Variants in CHIC1 observed in about 807,000 individuals in gnomAD.
CHIC1 encodes the protein cysteine-rich hydrophobic domain-containing protein 1.
CHIC1 carries 7 observed loss-of-function variants against 18.5 expected under a neutral mutation model. That is an observed-to-expected ratio of 0.38 (90% CI 0.22 to 0.71). The LOEUF (loss-of-function observed/expected upper bound fraction) is 0.71, where lower values mean the gene tolerates loss of function less well. Ranked by LOEUF, CHIC1 falls within the 30% of genes least tolerant of loss-of-function variation. CHIC1 has a pLI of 0.49. For synonymous variants in CHIC1, 77 were observed against 73.5 expected (o/e 1.05, Z -0.25); for missense variants, 159 against 176.9 (o/e 0.90, Z 0.57).
intron 3 of CHIC1, among the ~76,000 whole-genome samples, chrX:73,646,330 T>G (rs1010186256): frequency 8.9e-6 from 1 of 112,372 alleles, no homozygotes; most frequent in African/African-American, 3.2e-5. Flanking sequence ...AATCAGGTAG[T>G]GTGAGGTCTC....
chrX:73,647,409 G>T (rs906560706), intron 3 of CHIC1, among the ~76,000 whole-genome samples: 3 of 112,108 alleles, frequency 2.7e-5, no homozygotes, highest in Admixed American at 9.4e-5. Flanking sequence ...GAGCTCCCTG[G>T]GGGGAGAGGC....
chrX:73,682,895 C>G lies in CHIC1; in HGVS notation c.*1890C>G, dbSNP rs187694404. ...AGGTTTATGTTCCAGCTAATGTTAT[C>G]AAATTTATGCTTCAAACTGTGATAT... is the stretch of plus-strand genomic sequence containing the variant. On this transcript the variant is annotated 3_prime_UTR_variant, in exon 6 of 6. Coordinates refer to ENST00000373502, the MANE Select transcript of CHIC1 (RefSeq NM_001039840.4). The G allele has an allele frequency of 9.0e-6, 1 of 111,712 alleles. No homozygotes were observed. The highest frequency in any genetic ancestry group is 2.8e-4 in the East Asian group (1 of 3,553). 9.2% of individuals were successfully genotyped at this position (111,712 alleles called of 1,213,427 possible). A position where few individuals can be genotyped will look rare whatever the true frequency, so the allele number is the denominator to read the frequency against.
chrX:73,596,185 G>A (rs2057607514), intron 3 of CHIC1, among the ~76,000 whole-genome samples: 1 of 111,317 alleles, frequency 9.0e-6, no homozygotes, highest in South Asian at 3.8e-4. Flanking sequence ...AAAGTCTCAG[G>A]ATACAAAATC....
Position 73,593,313 on chromosome X carries a change from G to A in CHIC1, c.507+8741G>A, listed in dbSNP as rs1045897312. Among the ~76,000 whole-genome samples, 4 of 111,167 alleles carry A rather than the reference G, an allele frequency of 3.6e-5. No homozygotes were observed. In the East Asian group the frequency reaches 1.2e-3, roughly 32 times the overall value. On this transcript the variant is annotated intron_variant, in intron 3 of 5. Coordinates refer to ENST00000373502, the MANE Select transcript of CHIC1 (RefSeq NM_001039840.4). ...GATTGATAATTTGAGATCCTTCTAA[G>A]TTTTGACTGTAGGCATTTGGCACTG...
intron 3 of CHIC1, among the ~76,000 whole-genome samples, chrX:73,636,210 A>G (rs777271407): frequency 6.5e-4 from 73 of 111,594 alleles, no homozygotes; most frequent in Non-Finnish European, 1.2e-3. Flanking sequence ...AATATTTTTT[A>G]TCATTTTATT....
At chrX:73,608,186 C>T (rs1385863927) in intron 3 of CHIC1, among the ~76,000 whole-genome samples, 2 of 109,189 alleles carry the variant, frequency 1.8e-5, no homozygotes, top group African/African-American at 7.1e-5. Context: ...ATGTTTGATA[C>T]TCTTGTTGAA....
intron 3 of CHIC1, among the ~76,000 whole-genome samples, chrX:73,652,633 T>A (rs1243904405): frequency 8.9e-6 from 1 of 112,411 alleles, no homozygotes; most frequent in African/African-American, 3.2e-5. Flanking sequence ...GAAAAAAAGC[T>A]CAACATCACT....
At chrX:73,613,035 A>C (rs1198863942) in intron 3 of CHIC1, among the ~76,000 whole-genome samples, 1 of 111,825 alleles carries the variant, frequency 8.9e-6, no homozygotes, top group Non-Finnish European at 1.9e-5. Flanking sequence ...TTATATCCTT[A>C]GGCTAAACTG....
intron 3 of CHIC1, among the ~76,000 whole-genome samples, chrX:73,659,979 G>A (rs1029192352): frequency 8.9e-6 from 1 of 111,820 alleles, no homozygotes; most frequent in African/African-American, 3.3e-5. Flanking sequence ...TGAAATGGCT[G>A]TGGGAGCTCC....
intron 1 of CHIC1, 44 bp downstream of exon 1, chrX:73,563,624 G>A (rs1216878842): frequency 5.8e-6 from 6 of 1,028,530 alleles, no homozygotes; most frequent in Non-Finnish European, 7.5e-6. Context: ...CTGAGATTTG[G>A]CAACAGAGGA....
intron 3 of CHIC1, among the ~76,000 whole-genome samples, chrX:73,665,729 G>C (rs2058001426): frequency 9.0e-6 from 1 of 111,293 alleles, no homozygotes; most frequent in African/African-American, 3.3e-5. Flanking sequence ...GGTCTGACCA[G>C]CAGACCCTGG....
rs572987330 is a variant in CHIC1, at chrX:73,683,532, A to C, written c.*2527A>C. On this transcript the variant is annotated 3_prime_UTR_variant, in exon 6 of 6. Transcript: ENST00000373502. Reference sequence around the variant, plus strand: ...GAGCCTTTTTTCTGTTATGCTTAGGATAGAACATACTTGTAATTTTCCATT... The same window carrying C: ...GAGCCTTTTTTCTGTTATGCTTAGGCTAGAACATACTTGTAATTTTCCATT... 2 of 111,632 alleles carry C rather than the reference A, an allele frequency of 1.8e-5. No homozygotes were observed. Among genetic ancestry groups the C allele is most frequent in the South Asian group, 7.3e-4 (2 of 2,734 alleles). 9.2% of individuals were successfully genotyped at this position (111,632 alleles called of 1,213,427 possible). A position where few individuals can be genotyped will look rare whatever the true frequency, so the allele number is the denominator to read the frequency against.
chrX:73,615,328 A>G (rs192508835), intron 3 of CHIC1, among the ~76,000 whole-genome samples: 6 of 111,746 alleles, frequency 5.4e-5, no homozygotes, highest in Non-Finnish European at 9.4e-5. Context: ...CTTGGTCTCC[A>G]GTCAGGGTGC....
chrX:73,609,460 G>T (rs995995396), intron 3 of CHIC1, among the ~76,000 whole-genome samples: 1 of 108,843 alleles, frequency 9.2e-6, no homozygotes, highest in Non-Finnish European at 1.9e-5. Context: ...AGAGTGCAGT[G>T]GTGCAATCAT....
chrX:73,643,214 G>A (rs1183927364), intron 3 of CHIC1, among the ~76,000 whole-genome samples: 4 of 111,515 alleles, frequency 3.6e-5, no homozygotes, highest in Non-Finnish European at 7.5e-5. Flanking sequence ...CTTCTGGCTT[G>A]TAGAGTTTCT....
At chrX:73,655,405 A>G (rs1362310614) in intron 3 of CHIC1, among the ~76,000 whole-genome samples, 4 of 98,232 alleles carry the variant, frequency 4.1e-5, no homozygotes, top group Admixed American at 3.5e-4. Context: ...GTACATATAT[A>G]TACAATATTG....
chrX:73,627,455 T>C (rs2057788999), intron 3 of CHIC1, among the ~76,000 whole-genome samples: 3 of 112,343 alleles, frequency 2.7e-5, no homozygotes, highest in African/African-American at 9.7e-5. Context: ...GGGACTAGAG[T>C]CAAAAACCTT....
chrX:73,658,301 G>A (rs1355687276), intron 3 of CHIC1, among the ~76,000 whole-genome samples: 1 of 49,047 alleles, frequency 2.0e-5, no homozygotes, highest in South Asian at 1.6e-3. Flanking sequence ...TATTTATTAC[G>A]GCCGCAACTT....
chrX:73,623,638 T>C (rs2057770686), intron 3 of CHIC1, among the ~76,000 whole-genome samples: 1 of 111,230 alleles, frequency 9.0e-6, no homozygotes, highest in South Asian at 3.7e-4. Context: ...TTCAGCTTTA[T>C]CCTATCTAAC....
Sources: allele counts gnomAD v4.1 joint callset (sites outside exome capture counted in the v4.1 genomes callset), GRCh38; gene constraint gnomAD v4.1.1; transcripts MANE v1.5; gene names NCBI Gene and HGNC (gene_info 2026-07-23, HGNC 2026-07-21).